The following CTNNA3 variants were observed in gnomAD, a reference collection of about 807,000 sequenced individuals.
The protein encoded by CTNNA3 is catenin alpha-3.
Under a neutral mutation model 95.7 loss-of-function variants are expected in CTNNA3, and 76 were observed. The ratio of observed to expected loss-of-function variants is 0.79; its 90% confidence interval spans 0.66 to 0.96. CTNNA3 has a LOEUF of 0.96. Ranked by LOEUF, CTNNA3 falls within the 40% of genes least tolerant of loss-of-function variation. The pLI is 0.00. For missense variants in CTNNA3, 1,191 were observed against 1,089.8 expected, an observed-to-expected ratio of 1.09 and a Z score of -1.31; for synonymous variants, 431 against 374.4, an observed-to-expected ratio of 1.15 and a Z score of -1.74.
At chr10:66,730,376 C>T (rs777753074) in intron 9 of CTNNA3, among the ~76,000 whole-genome samples, 4 of 152,140 alleles carry the variant, frequency 2.6e-5, no homozygotes, top group Non-Finnish European at 5.9e-5. Context: ...TGCATGTTCT[C>T]ACTTATAAGT....
chr10:67,377,611 C>A (rs1368156361), intron 5 of CTNNA3, among the ~76,000 whole-genome samples: 1 of 123,092 alleles, frequency 8.1e-6, no homozygotes, highest in Non-Finnish European at 1.7e-5. Context: ...ACTATTCTTT[C>A]TCTATAAAAA....
intron 12 of CTNNA3, among the ~76,000 whole-genome samples, chr10:66,355,505 A>G (rs1458183906): frequency 2.0e-5 from 3 of 152,056 alleles, no homozygotes; most frequent in Non-Finnish European, 4.4e-5. Context: ...CAAACATAAA[A>G]TAGGATATCT....
intron 10 of CTNNA3, among the ~76,000 whole-genome samples, chr10:66,595,966 C>T (rs535396871): frequency 4.6e-5 from 7 of 151,948 alleles, no homozygotes; most frequent in African/African-American, 1.7e-4. Context: ...TCCTTGTTGA[C>T]TTTTGACTCA....
chr10:66,028,047 TCTTTTA>T (rs2079375821), intron 15 of CTNNA3, among the ~76,000 whole-genome samples: 1 of 152,190 alleles, frequency 6.6e-6, no homozygotes, highest in Admixed American at 6.5e-5. Flanking sequence ...AGTCTGCCTT[TCTTTTA>T]CTTATACTTA....
intron 2 of CTNNA3, among the ~76,000 whole-genome samples, chr10:67,641,412 C>T (rs1839528201): frequency 6.6e-6 from 1 of 150,644 alleles, no homozygotes; most frequent in African/African-American, 2.4e-5. Flanking sequence ...ATTGGTGGGA[C>T]TGTAAACTAC....
intron 7 of CTNNA3, among the ~76,000 whole-genome samples, chr10:66,782,231 G>C (rs576291209): frequency 2.0e-5 from 3 of 152,018 alleles, no homozygotes; most frequent in Non-Finnish European, 4.4e-5. Context: ...AAGGATAAAG[G>C]GTATACAAAG....
chr10:67,445,269 AG>A (rs1293196703), intron 5 of CTNNA3, among the ~76,000 whole-genome samples: 1 of 152,122 alleles, frequency 6.6e-6, no homozygotes, highest in African/African-American at 2.4e-5. Context: ...TAGGGAAAAA[AG>A]GAAAACAACA....
intron 6 of CTNNA3, among the ~76,000 whole-genome samples, chr10:67,210,524 C>T (rs55643231): frequency 0.043 from 6,581 of 152,192 alleles, 181 homozygotes; most frequent in South Asian, 0.088. Flanking sequence ...TATGTATGCA[C>T]TGAGGAATGA....
chr10:66,124,917 G>A (rs1262384390), intron 13 of CTNNA3, among the ~76,000 whole-genome samples: 1 of 152,146 alleles, frequency 6.6e-6, no homozygotes, highest in Admixed American at 6.5e-5. Context: ...AGATTTTGGA[G>A]GGGACACAGC....
chr10:66,694,294 C>T (rs1355173781), intron 9 of CTNNA3, among the ~76,000 whole-genome samples: 3 of 151,982 alleles, frequency 2.0e-5, no homozygotes, highest in African/African-American at 7.3e-5. Context: ...CCACCAATCC[C>T]ACAGAAATAC....
At chr10:66,077,102 G>A (rs2080580153) in intron 14 of CTNNA3, among the ~76,000 whole-genome samples, 1 of 151,686 alleles carries the variant, frequency 6.6e-6, no homozygotes, top group African/African-American at 2.4e-5. Flanking sequence ...TGATCATATT[G>A]TGGTTATATA....
In CTNNA3 at chr10:66,037,008, G is replaced by T. The variant is rs371990700; in HGVS notation, c.2159+32300C>A. Among the ~76,000 whole-genome samples, 17 of 151,794 alleles carry T rather than the reference G, an allele frequency of 1.1e-4. No individual in the cohort carries two copies. In the East Asian group the frequency reaches 2.6e-3, roughly 23 times the overall value. On this transcript the variant is annotated intron_variant, in intron 15 of 17. Transcript: ENST00000433211. ...CTGCCTCAGCCTCCCGAGTAGCTGG[G>T]ACTACAGGCACCCGCCACCATGCCC...
intron 7 of CTNNA3, among the ~76,000 whole-genome samples, chr10:66,894,310 A>G (rs1472749365): frequency 3.3e-5 from 5 of 152,116 alleles, no homozygotes; most frequent in African/African-American, 1.2e-4. Flanking sequence ...ACCATATTCT[A>G]TCCACTTTAT....
chr10:66,737,641 T>C (rs990392232), intron 9 of CTNNA3, among the ~76,000 whole-genome samples: 1 of 152,026 alleles, frequency 6.6e-6, no homozygotes, highest in African/African-American at 2.4e-5. Context: ...GGTGCAAACT[T>C]TGAATCTAAC....
At chr10:66,400,538 A>G (rs2093012427) in intron 11 of CTNNA3, among the ~76,000 whole-genome samples, 1 of 152,066 alleles carries the variant, frequency 6.6e-6, no homozygotes, top group East Asian at 1.9e-4. Context: ...AGATATATAG[A>G]TATATACACA....
chr10:66,901,352 G>T (rs1199559632), intron 7 of CTNNA3, among the ~76,000 whole-genome samples: 1 of 152,158 alleles, frequency 6.6e-6, no homozygotes, highest in African/African-American at 2.4e-5. Flanking sequence ...CACCAGGTCT[G>T]CCTTACAAGA....
intron 5 of CTNNA3, among the ~76,000 whole-genome samples, chr10:67,230,508 C>A (rs1440631678): frequency 6.6e-6 from 1 of 152,062 alleles, no homozygotes; most frequent in African/African-American, 2.4e-5. Flanking sequence ...AACAGACAAT[C>A]CACAGAATGG....
rs140282855 is a variant in CTNNA3 at position 67,289,395 on chromosome 10, G to A, written c.580-69525C>T. On this transcript the variant is annotated intron_variant, in intron 5 of 17. Coordinates refer to ENST00000433211, the MANE Select transcript of CTNNA3 (RefSeq NM_013266.4). ...TTATCTTAGTAAATCCTCAAAAAAG[G>A]CATTAAAAGAGGTATCATTTTTGCT... Among the ~76,000 whole-genome samples the A allele has an allele frequency of 2.6e-5, 4 of 152,202 alleles. No homozygotes were observed. In the East Asian group the frequency reaches 7.7e-4, roughly 29 times the overall value.
intron 12 of CTNNA3, among the ~76,000 whole-genome samples, chr10:66,364,046 T>C (rs1465580793): frequency 6.6e-6 from 1 of 152,098 alleles, no homozygotes; most frequent in Non-Finnish European, 1.5e-5. Flanking sequence ...AAAATTATAA[T>C]ACAGCTTTTG....
Sources: gnomAD v4.1 joint callset for allele counts (sites outside exome capture counted in the v4.1 genomes callset) on GRCh38, gnomAD v4.1.1 for gene constraint, MANE v1.5 for transcripts, NCBI Gene and HGNC (gene_info 2026-07-23, HGNC 2026-07-21) for gene names.